The following SIPA1L2 variants were observed in gnomAD, a reference collection of about 807,000 sequenced individuals.
The protein encoded by SIPA1L2 is signal induced proliferation associated 1 like 2.
Under a neutral mutation model 163.9 loss-of-function variants are expected in SIPA1L2, and 56 were observed. The observed-to-expected ratio is 0.34, with a 90% CI of 0.28 to 0.43. The LOEUF is 0.43. Ranked by LOEUF, SIPA1L2 falls within the 20% of genes least tolerant of loss-of-function variation. The pLI, the probability that SIPA1L2 is intolerant of heterozygous loss-of-function variation, is 1.00. For missense variants in SIPA1L2, 1,974 were observed against 2,193.5 expected (o/e 0.90, Z 2.00); for synonymous variants, 877 against 865.7 (o/e 1.01, Z -0.23).
rs760668828 is a variant in SIPA1L2 at position 232,432,530 on chromosome 1, C to G, written c.4032-59G>C. The G allele has an allele frequency of 7.9e-6, 12 of 1,518,728 alleles. No homozygotes were observed. In the Middle Eastern group the frequency reaches 8.5e-4, roughly 107 times the overall value. 94.1% of individuals were successfully genotyped at this position (1,518,728 alleles called of 1,614,324 possible). On this transcript the variant is annotated intron_variant, in intron 15 of 22. Coordinates refer to ENST00000674635, the MANE Select transcript of SIPA1L2 (RefSeq NM_020808.5). ...ATCTGATTTCAGCAGTGCTGGCACACGGCCAAATTCAGAGCCACAAGGCTT... is the reference window on the plus strand; with the variant it reads ...ATCTGATTTCAGCAGTGCTGGCACAGGGCCAAATTCAGAGCCACAAGGCTT...
chr1:232,401,469 C>T (rs368095179), intron 22 of SIPA1L2, among the ~76,000 whole-genome samples: 1 of 152,210 alleles, frequency 6.6e-6, no homozygotes, highest in African/African-American at 2.4e-5. Context: ...AACTCTTATA[C>T]TCCCACCACT....
At chr1:232,499,982 C>CTT (rs34385314) in intron 3 of SIPA1L2, among the ~76,000 whole-genome samples, 2 of 148,340 alleles carry the variant, frequency 1.3e-5, no homozygotes, top group African/African-American at 2.5e-5. Context: ...GGTTTACTGA[C>CTT]TTTTTTTTTT....
At chr1:232,431,824 A>C (rs2102831977) in intron 16 of SIPA1L2, among the ~76,000 whole-genome samples, 1 of 152,276 alleles carries the variant, frequency 6.6e-6, no homozygotes, top group South Asian at 2.1e-4. Flanking sequence ...AAACCTAACA[A>C]CTAAAAGGAA....
At chr1:232,539,097 G>C (rs1657486089) in intron 2 of SIPA1L2, among the ~76,000 whole-genome samples, 1 of 152,202 alleles carries the variant, frequency 6.6e-6, no homozygotes, top group Admixed American at 6.5e-5. Flanking sequence ...CAAGCAAACA[G>C]CAAATCTGTT....
At chr1:232,619,995 C>A (rs1370776291) in intron 1 of SIPA1L2, among the ~76,000 whole-genome samples, 5 of 152,184 alleles carry the variant, frequency 3.3e-5, no homozygotes, top group Non-Finnish European at 5.9e-5. Flanking sequence ...AGCGTTTCTC[C>A]CGCCTCAGCC....
At chr1:232,400,810 A>AC (rs1330296521) in intron 22 of SIPA1L2, among the ~76,000 whole-genome samples, 3 of 150,990 alleles carry the variant, frequency 2.0e-5, no homozygotes, top group Non-Finnish European at 4.4e-5. Flanking sequence ...ACCCTCCTCA[A>AC]CCCCCACTCC....
intron 2 of SIPA1L2, among the ~76,000 whole-genome samples, chr1:232,551,863 A>T (rs959167512): frequency 2.6e-5 from 4 of 152,218 alleles, no homozygotes; most frequent in African/African-American, 9.6e-5. Flanking sequence ...CCATGAGAAG[A>T]AGTCTCGCTC....
chr1:232,591,826 A>G (rs4649390), intron 1 of SIPA1L2, among the ~76,000 whole-genome samples: 120,034 of 152,108 alleles, frequency 0.79, 47,763 homozygotes, highest in East Asian at 0.92. Flanking sequence ...AGTTTATCCC[A>G]GCCCAAGAGG....
chr1:232,615,781 G>C lies in SIPA1L2; in HGVS notation c.-319+14088C>G, dbSNP rs77545926. On this transcript the variant is annotated intron_variant, in intron 1 of 22. Coordinates refer to ENST00000674635, the MANE Select transcript of SIPA1L2 (RefSeq NM_020808.5). ...ACTACTTCCAATGAGGGGGGGCAGG[G>C]AGGACTCTATCTTGAGAAATATTAT... Among the ~76,000 whole-genome samples, 4,571 of 152,162 alleles carry C rather than the reference G, an allele frequency of 0.03. 392 individuals carry two copies. In the East Asian group the frequency reaches 0.36, roughly 12 times the overall value.
At chr1:232,437,547 T>C (rs1234233842) in intron 15 of SIPA1L2, among the ~76,000 whole-genome samples, 1 of 152,196 alleles carries the variant, frequency 6.6e-6, no homozygotes, top group African/African-American at 2.4e-5. Flanking sequence ...CTCTCTGGCA[T>C]CCACTCCCCC....
chr1:232,572,730 C>CACATAT (rs1659828057), intron 2 of SIPA1L2, among the ~76,000 whole-genome samples: 3 of 20,968 alleles, frequency 1.4e-4, no homozygotes, highest in African/African-American at 8.0e-4. Flanking sequence ...CACATATATA[C>CACATAT]ATACATACAT....
intron 2 of SIPA1L2, among the ~76,000 whole-genome samples, chr1:232,553,472 G>A (rs1176165436): frequency 2.6e-5 from 4 of 152,242 alleles, no homozygotes; most frequent in Admixed American, 2.0e-4. Context: ...AGGCTTGGGG[G>A]TGGGGCCTTT....
At position 232,441,523 on chromosome 1, in the gene SIPA1L2, T is replaced by C. The variant is rs1403941066; in HGVS notation, c.3539-129A>G. On this transcript the variant is annotated intron_variant, in intron 13 of 22. Transcript: ENST00000674635. ...TTGTGGTTCTGGGACTTTCTGGTCTTACCAATGGATATGTCACAAAAGTAT... is the reference window on the plus strand; with the variant it reads ...TTGTGGTTCTGGGACTTTCTGGTCTCACCAATGGATATGTCACAAAAGTAT... The C allele has an allele frequency of 4.8e-6, 4 of 840,648 alleles. No homozygotes were observed. The East Asian group carries it at 9.7e-5, about 20-fold the overall frequency. The allele number at this position is 840,648 out of a possible 1,614,324, so 52.1% of individuals were successfully genotyped here.
intron 8 of SIPA1L2, among the ~76,000 whole-genome samples, chr1:232,468,829 C>G (rs901742841): frequency 1.3e-5 from 2 of 152,112 alleles, no homozygotes; most frequent in African/African-American, 4.8e-5. Flanking sequence ...AACATAAATC[C>G]CTGACAGCTT....
intron 2 of SIPA1L2, among the ~76,000 whole-genome samples, chr1:232,526,190 G>A (rs1011897257): frequency 1.3e-5 from 2 of 152,198 alleles, no homozygotes; most frequent in Non-Finnish European, 2.9e-5. Context: ...AAAGTGGACT[G>A]TGCTGCAGGA....
intron 2 of SIPA1L2, among the ~76,000 whole-genome samples, chr1:232,553,666 C>T (rs921333597): frequency 5.3e-5 from 8 of 152,182 alleles, no homozygotes; most frequent in African/African-American, 1.9e-4. Context: ...TATATTTATA[C>T]TCTTACCCCT....
At chr1:232,408,192 A>T (rs561048189) in intron 19 of SIPA1L2, among the ~76,000 whole-genome samples, 1 of 152,248 alleles carries the variant, frequency 6.6e-6, no homozygotes, top group East Asian at 1.9e-4. Flanking sequence ...CAAAGTCTAA[A>T]ATGTGACTCC....
chr1:232,401,697 A>T (rs1330311549), intron 22 of SIPA1L2, among the ~76,000 whole-genome samples: 2 of 152,008 alleles, frequency 1.3e-5, no homozygotes, highest in Non-Finnish European at 2.9e-5. Context: ...CTTGCTCTTC[A>T]CCCTCATCAT....
At chr1:232,421,543 A>G (rs1227660209) in intron 18 of SIPA1L2, among the ~76,000 whole-genome samples, 1 of 152,202 alleles carries the variant, frequency 6.6e-6, no homozygotes, top group Non-Finnish European at 1.5e-5. Context: ...AAGAGAAAGA[A>G]GTATTACACT....
Sources: allele counts gnomAD v4.1 joint callset (sites outside exome capture counted in the v4.1 genomes callset), GRCh38; gene constraint gnomAD v4.1.1; transcripts MANE v1.5; gene names NCBI Gene and HGNC (gene_info 2026-07-23, HGNC 2026-07-21).